SDK1: variants seen among roughly 807,000 people sequenced by gnomAD.
The protein encoded by SDK1 is protein sidekick-1.
Under a neutral mutation model 245.5 loss-of-function variants are expected in SDK1, and 157 were observed. The ratio of observed to expected loss-of-function variants is 0.64; its 90% CI spans 0.56 to 0.73. The LOEUF is 0.73. Among genes scored for constraint, SDK1 ranks in the 30% least tolerant of loss-of-function variants. The pLI is 0.00. For missense variants in SDK1, 3,583 were observed against 3,002.3 expected, an observed-to-expected ratio of 1.19 and a Z score of -4.52; for synonymous variants, 1,647 against 1,278.5, an observed-to-expected ratio of 1.29 and a Z score of -6.15.
At chr7:3,480,459 A>G (rs773734558) in intron 1 of SDK1, among the ~76,000 whole-genome samples, 9 of 151,472 alleles carry the variant, frequency 5.9e-5, no homozygotes, top group East Asian at 3.9e-4. Context: ...CGTGTTCCAG[A>G]TAAGCTGCCT....
chr7:3,950,890 G>C (rs374971958), intron 5 of SDK1, 33 bp from the exon 6 acceptor site: 12 of 1,568,528 alleles, frequency 7.7e-6, no homozygotes, highest in East Asian at 6.7e-5. Flanking sequence ...TGTACTTAGA[G>C]TTTCATGGAC....
chr7:3,343,065 A>G (rs560774653), intron 1 of SDK1, among the ~76,000 whole-genome samples: 5 of 151,302 alleles, frequency 3.3e-5, no homozygotes, highest in East Asian at 1.9e-4. Flanking sequence ...ATACATTGCT[A>G]GTGGGAATGT....
chr7:3,687,617 C>A (rs1784326496), intron 4 of SDK1, among the ~76,000 whole-genome samples: 1 of 152,150 alleles, frequency 6.6e-6, no homozygotes, highest in Non-Finnish European at 1.5e-5. Flanking sequence ...AAAATTCAGT[C>A]CCAAGAGATC....
intron 1 of SDK1, among the ~76,000 whole-genome samples, chr7:3,567,994 G>A (rs994575482): frequency 1.3e-5 from 2 of 151,836 alleles, no homozygotes; most frequent in Non-Finnish European, 2.9e-5. Flanking sequence ...TTTTTTGATT[G>A]TTTTTTTGCA....
chr7:3,416,299 C>T (rs1287078787), intron 1 of SDK1, among the ~76,000 whole-genome samples: 1 of 152,082 alleles, frequency 6.6e-6, no homozygotes, highest in East Asian at 1.9e-4. Context: ...GAGTTGGTCT[C>T]ACTTTTTTGT....
chr7:3,641,360 T>A (rs955026097), intron 3 of SDK1, among the ~76,000 whole-genome samples: 9 of 152,218 alleles, frequency 5.9e-5, no homozygotes, highest in South Asian at 4.1e-4. Context: ...CCCCATTTTT[T>A]AAATTTTTTT....
chr7:4,079,301 G>C (rs931824763), intron 21 of SDK1, among the ~76,000 whole-genome samples, 162 bp from the exon 22 acceptor site: 4 of 152,188 alleles, frequency 2.6e-5, no homozygotes, highest in African/African-American at 9.7e-5. Flanking sequence ...CATGCCCCTG[G>C]GGAAGCTGTG....
At position 4,017,202 on chromosome 7, in the gene SDK1, C is replaced by T; in HGVS notation, c.2452C>T (p.Gln818Ter). The change falls in exon 17 of 45, where the codon CAG becomes TAG. Residue 818 changes from glutamine to a stop codon, truncating the protein, a stop_gained. Transcript: ENST00000404826. LOFTEE classifies it high-confidence loss of function. Reference sequence around the variant, plus strand: ...CCTGGCTGGCCTTCCCGGAGAGTACCAGCAGCGGAACATCACCAGCCCGGA... The same window carrying T: ...CCTGGCTGGCCTTCCCGGAGAGTACTAGCAGCGGAACATCACCAGCCCGGA... ...YRLAGLPGEY[Q>*]QRNITSPEVN... 6.2e-7 allele frequency: 1 copy of T among 1,613,528 alleles called. No individual in the cohort carries two copies. The highest frequency in any genetic ancestry group is 8.5e-7 in the Non-Finnish European group (1 of 1,179,698).
chr7:4,145,540 C>G (rs1779903461), intron 28 of SDK1, among the ~76,000 whole-genome samples, 182 bp from the exon 29 acceptor site: 1 of 152,104 alleles, frequency 6.6e-6, no homozygotes, highest in Admixed American at 6.5e-5. Flanking sequence ...CAGGGAAATC[C>G]ACGTGGGGCC....
At chr7:4,057,640 C>T (rs2128169478) in intron 19 of SDK1, among the ~76,000 whole-genome samples, 1 of 152,262 alleles carries the variant, frequency 6.6e-6, no homozygotes, top group South Asian at 2.1e-4. Flanking sequence ...GTCTGGATCA[C>T]TCTGGGATGT....
intron 36 of SDK1, 50 bp downstream of exon 36, chr7:4,206,044 C>T (rs745480034): frequency 6.4e-5 from 79 of 1,227,506 alleles, no homozygotes; most frequent in East Asian, 6.0e-4. Context: ...GGGCACCCCT[C>T]GTTCACGTGG....
At chr7:3,867,375 C>G (rs1018714604) in intron 5 of SDK1, among the ~76,000 whole-genome samples, 1 of 152,142 alleles carries the variant, frequency 6.6e-6, no homozygotes, top group Admixed American at 6.5e-5. Flanking sequence ...TTGATTAAGC[C>G]ATTTTTAAAA....
intron 22 of SDK1, among the ~76,000 whole-genome samples, chr7:4,093,726 G>T (rs1192194704): frequency 6.6e-6 from 1 of 152,198 alleles, no homozygotes; most frequent in Non-Finnish European, 1.5e-5. Flanking sequence ...GAAGTCGGGG[G>T]CGTGAAGCAA....
chr7:4,250,075 G>A (rs946258036), intron 44 of SDK1, among the ~76,000 whole-genome samples: 5 of 152,094 alleles, frequency 3.3e-5, no homozygotes, highest in African/African-American at 1.2e-4. Context: ...CCAGCTCTTG[G>A]CAACCAGTAA....
intron 1 of SDK1, among the ~76,000 whole-genome samples, chr7:3,365,741 C>CT (rs1046619264): frequency 2.6e-5 from 4 of 152,046 alleles, no homozygotes; most frequent in African/African-American, 4.8e-5. Context: ...CTCTTCAAGT[C>CT]TTTTTTCCAG....
chr7:3,779,857 G>T (rs1021000306), intron 4 of SDK1, among the ~76,000 whole-genome samples: 1 of 151,454 alleles, frequency 6.6e-6, no homozygotes, highest in Non-Finnish European at 1.5e-5. Context: ...GCGTGAACCC[G>T]GGAAGCGGAG....
intron 4 of SDK1, among the ~76,000 whole-genome samples, chr7:3,726,484 G>T (rs994585109): frequency 6.6e-6 from 1 of 152,212 alleles, no homozygotes; most frequent in Non-Finnish European, 1.5e-5. Flanking sequence ...TTTCCTGTAG[G>T]AAGTAAATGA....
At chr7:3,805,212 G>C (rs1026216881) in intron 4 of SDK1, among the ~76,000 whole-genome samples, 1 of 152,176 alleles carries the variant, frequency 6.6e-6, no homozygotes, top group Non-Finnish European at 1.5e-5. Context: ...TTTTGTATGT[G>C]TATCTTGTAT....
rs759388479 is a variant in SDK1, at chr7:4,241,856, A to G, written c.6194A>G (p.Glu2065Gly). Residue 2065 changes from glutamate (E) to glycine (G), a missense_variant, in exon 43 of 45, where the codon GAG (glutamate) becomes GGG (glycine). Physicochemically the swap from Glu to Gly is moderately conservative, Grantham distance 98. Coordinates refer to ENST00000404826, the MANE Select transcript of SDK1 (RefSeq NM_152744.4). ...TLDNGGFAAL[E>G]LSSRHLNVKS... Reference sequence around the variant, plus strand: ...GACAACGGAGGATTTGCTGCCCTGGAGCTCAGCAGCCGCCACCTCAATGTC... The same window carrying G: ...GACAACGGAGGATTTGCTGCCCTGGGGCTCAGCAGCCGCCACCTCAATGTC... 2 of 1,614,092 alleles carry G rather than the reference A, an allele frequency of 1.2e-6. No homozygotes were observed. Among genetic ancestry groups the G allele is most frequent in the African/African-American group, 2.7e-5 (2 of 75,052 alleles).
Sources: gnomAD v4.1 joint callset for allele counts (sites outside exome capture counted in the v4.1 genomes callset) on GRCh38, gnomAD v4.1.1 for gene constraint, MANE v1.5 for transcripts, NCBI Gene and HGNC (gene_info 2026-07-23, HGNC 2026-07-21) for gene names.